The following PKD1L3 variants were observed in gnomAD, a reference collection of about 807,000 sequenced individuals.
The protein encoded by PKD1L3 is polycystin 1 like 3, transient receptor potential channel interacting.
Under a neutral mutation model 184.1 loss-of-function variants are expected in PKD1L3, and 239 were observed. The observed-to-expected ratio is 1.30, with a 90% CI of 1.17 to 1.45. The LOEUF (loss-of-function observed/expected upper bound fraction) is 1.45. PKD1L3 is among the 40% of genes most tolerant of loss of function. The pLI is 0.00. For missense variants in PKD1L3, 2,660 were observed against 2,067.2 expected, an observed-to-expected ratio of 1.29 and a Z score of -5.56; for synonymous variants, 996 against 778.8, an observed-to-expected ratio of 1.28 and a Z score of -4.64.
intron 16 of PKD1L3, among the ~76,000 whole-genome samples, 187 bp from the exon 17 acceptor site, chr16:71,954,488 G>A (rs537623515): frequency 1.3e-5 from 2 of 152,212 alleles, no homozygotes; most frequent in African/African-American, 4.8e-5. Flanking sequence ...TCACCCGAAT[G>A]TGTCCATGTA....
chr16:71,948,485 T>C (rs146615215), intron 21 of PKD1L3, among the ~76,000 whole-genome samples: 9,880 of 152,100 alleles, frequency 0.065, 1,032 homozygotes, highest in African/African-American at 0.22. Flanking sequence ...CCTCCCAAAG[T>C]GCTAGGATTA....
chr16:71,977,309 C>T lies in PKD1L3; in HGVS notation c.1686G>A (p.Gly562=). 1.9e-6 allele frequency: 3 copies of T among 1,544,626 alleles called. No homozygotes were observed. Among genetic ancestry groups the T allele is most frequent in the Non-Finnish European group, 2.6e-6 (3 of 1,140,640 alleles). ...GAGTGCAGTTAGGCTGATACTGGAA[C>T]CCCAGGTAGAGTGTCATTAAAAGGG... The part of the protein sequence containing the change: ...DSPLLMTLYL[G]FQYQPNCTHF... The change falls in exon 11 of 30, where the codon GGG becomes GGA. Residue 562 remains glycine (G), a synonymous_variant. Coordinates refer to ENST00000620267, the MANE Select transcript of PKD1L3 (RefSeq NM_181536.2).
At position 71,930,176 on chromosome 16, in the gene PKD1L3, G is replaced by A; in HGVS notation, c.4934C>T (p.Ala1645Val). ...MGISHQEEVFALDPVLGTFLI... is the reference protein window; with the variant it reads ...MGISHQEEVFVLDPVLGTFLI... ...AAAGGTGCCCAGGACTGGGTCTAAAGCGAAAACCTGGGAAAACAATAAGAA... is the reference window on the plus strand; with the variant it reads ...AAAGGTGCCCAGGACTGGGTCTAAAACGAAAACCTGGGAAAACAATAAGAA... Residue 1645 changes from alanine (A) to valine (V), a missense_variant, in exon 29 of 30, where the codon GCT becomes GTT. Ala to Val is a moderately conservative substitution (Grantham distance 64). Coordinates refer to ENST00000620267, the MANE Select transcript of PKD1L3 (RefSeq NM_181536.2). 7.1e-6 allele frequency: 11 copies of A among 1,541,836 alleles called. No homozygotes were observed. Among genetic ancestry groups the A allele is most frequent in the Non-Finnish European group, 9.6e-6 (11 of 1,143,532 alleles).
chr16:71,994,431 T>C (rs116763314), intron 2 of PKD1L3, among the ~76,000 whole-genome samples: 1 of 152,316 alleles, frequency 6.6e-6, no homozygotes, highest in African/African-American at 2.4e-5. Context: ...CCTGTACCTG[T>C]AGCGAGACAA....
chr16:71,979,728 T>C (rs572783316), intron 9 of PKD1L3, 58 bp downstream of exon 9: 31 of 1,454,622 alleles, frequency 2.1e-5, no homozygotes, highest in Admixed American at 6.1e-5. Flanking sequence ...TTCACCCAAA[T>C]GCCTACATGG....
At position 71,954,172 on chromosome 16, in the gene PKD1L3, G is replaced by C. The variant is rs750999762; in HGVS notation, c.2742C>G (p.Leu914=). The change falls in exon 17 of 30, where the codon CTC becomes CTG. Residue 914 remains leucine (L), a synonymous_variant. Transcript: ENST00000620267. ...ACATAACATTGATGACCATGTTGCA[G>C]AGTAGCAGTGTCATGCAGCAAGACA... ...QRLSCCMTLL[L]CNMVINVMFW... The C allele has an allele frequency of 6.4e-7, 1 of 1,551,604 alleles. No homozygotes were observed. Among genetic ancestry groups the C allele is most frequent in the East Asian group, 2.4e-5 (1 of 40,862 alleles).
At chr16:71,943,602 T>G (rs952107869) in intron 23 of PKD1L3, among the ~76,000 whole-genome samples, 7 of 149,404 alleles carry the variant, frequency 4.7e-5, no homozygotes, top group Admixed American at 4.7e-4. Context: ...CTCTAAGGAC[T>G]AAGCATGCAC....
chr16:71,939,010 G>T (rs1443208411), intron 24 of PKD1L3, among the ~76,000 whole-genome samples: 2 of 152,220 alleles, frequency 1.3e-5, no homozygotes, highest in Non-Finnish European at 2.9e-5. Context: ...CTTTGGGGGA[G>T]CCCAGACCTA....
At chr16:71,964,162 C>G (rs894216780) in intron 15 of PKD1L3, among the ~76,000 whole-genome samples, 1 of 152,050 alleles carries the variant, frequency 6.6e-6, no homozygotes, top group Non-Finnish European at 1.5e-5. Flanking sequence ...GCCGTTCACA[C>G]CCCTGTCCTC....
intron 11 of PKD1L3, among the ~76,000 whole-genome samples, chr16:71,974,323 A>T (rs928338324): frequency 6.6e-6 from 1 of 152,150 alleles, no homozygotes; most frequent in African/African-American, 2.4e-5. Context: ...GTCTCTCAAA[A>T]AAAGGTTCCT....
chr16:71,959,779 G>C (rs2039198906), intron 16 of PKD1L3, among the ~76,000 whole-genome samples: 1 of 152,050 alleles, frequency 6.6e-6, no homozygotes, highest in African/African-American at 2.4e-5. Flanking sequence ...AGAGGAGAAA[G>C]AGGAAAAAAT....
At chr16:71,977,171 C>G in intron 11 of PKD1L3, 65 bp downstream of exon 11, 1 of 1,207,408 alleles carries the variant, frequency 8.3e-7, no homozygotes, top group Non-Finnish European at 1.2e-6. Flanking sequence ...AATGATGGTG[C>G]CACTGCACTA....
At chr16:71,937,235 G>A in intron 25 of PKD1L3, 57 bp downstream of exon 25, 3 of 1,507,116 alleles carry the variant, frequency 2.0e-6, no homozygotes, top group Non-Finnish European at 1.8e-6. Flanking sequence ...TTTGTAGTCT[G>A]GTAAAGATGA....
chr16:71,986,608 TCAAA>T (rs1245800849), intron 4 of PKD1L3, 139 bp from the exon 5 acceptor site: 8 of 977,336 alleles, frequency 8.2e-6, no homozygotes, highest in Admixed American at 6.2e-5. Context: ...AATTCTGTGC[TCAAA>T]CAGAATTTTG....
chr16:71,953,014 G>A lies in PKD1L3; in HGVS notation c.2889C>T (p.Val963=). The change falls in exon 18 of 30, where the codon GTC becomes GTT. Residue 963 remains valine (V), a synonymous_variant. Coordinates refer to ENST00000620267, the MANE Select transcript of PKD1L3 (RefSeq NM_181536.2). The part of the protein sequence containing the change: ...TAVILFPINL[V]IGRLFPLIEP... Reference sequence around the variant, plus strand: ...CAATCAACGGGAAGAGCCGCCCTATGACAAGATTGATTGGGAAGAGGATGA... The same window carrying A: ...CAATCAACGGGAAGAGCCGCCCTATAACAAGATTGATTGGGAAGAGGATGA... 1.3e-6 allele frequency: 2 copies of A among 1,549,074 alleles called. No homozygotes were observed. The highest frequency in any genetic ancestry group is 1.7e-6 in the Non-Finnish European group (2 of 1,145,960).
chr16:71,998,729 G>C (rs1009094634), intron 1 of PKD1L3, among the ~76,000 whole-genome samples: 2 of 152,146 alleles, frequency 1.3e-5, no homozygotes, highest in Non-Finnish European at 2.9e-5. Context: ...AGGATTACAG[G>C]CGTGAGCCAC....
At chr16:71,954,386 G>T in intron 16 of PKD1L3, 85 bp from the exon 17 acceptor site, 1 of 1,067,456 alleles carries the variant, frequency 9.4e-7, no homozygotes, top group Non-Finnish European at 1.3e-6. Flanking sequence ...CCAGCAACAA[G>T]CGACATAGCA....
chr16:71,984,597 C>T (rs375178998), intron 5 of PKD1L3, among the ~76,000 whole-genome samples: 23 of 152,172 alleles, frequency 1.5e-4, no homozygotes, highest in Admixed American at 9.2e-4. Context: ...TGATGGCTCA[C>T]GCCTGTCATC....
At chr16:71,987,193 G>A (rs2040406111) in intron 4 of PKD1L3, among the ~76,000 whole-genome samples, 2 of 151,766 alleles carry the variant, frequency 1.3e-5, no homozygotes, top group Non-Finnish European at 2.9e-5. Context: ...AAAGTGCTAG[G>A]ATTACAGGCG....
Sources: allele counts gnomAD v4.1 joint callset (sites outside exome capture counted in the v4.1 genomes callset), GRCh38; gene constraint gnomAD v4.1.1; transcripts MANE v1.5; gene names NCBI Gene and HGNC (gene_info 2026-07-23, HGNC 2026-07-21).